PRKAR1B: variants seen among roughly 807,000 people sequenced by gnomAD.
PRKAR1B encodes the protein cAMP-dependent protein kinase type I-beta regulatory subunit.
In PRKAR1B, 22 loss-of-function variants were observed where a neutral mutation model predicts 46.5. The observed-to-expected ratio is 0.47, with a 90% CI of 0.34 to 0.68. The LOEUF (loss-of-function observed/expected upper bound fraction) is 0.68. Among genes scored for constraint, PRKAR1B ranks in the 30% least tolerant of loss-of-function variants. The pLI is 0.01. For missense variants in PRKAR1B, 445 were observed against 535.6 expected (o/e 0.83, Z 1.67); for synonymous variants, 259 against 217.7 (o/e 1.19, Z -1.67).
chr7:572,836 G>A (rs556872437), intron 9 of PRKAR1B, among the ~76,000 whole-genome samples: 2 of 152,364 alleles, frequency 1.3e-5, no homozygotes, highest in South Asian at 2.1e-4. Flanking sequence ...CACCAAGGCC[G>A]TGATTTACAA....
chr7:584,712 C>A, intron 7 of PRKAR1B, 144 bp from the exon 8 acceptor site: 2 of 700,216 alleles, frequency 2.9e-6, no homozygotes, highest in Admixed American at 4.4e-5. Flanking sequence ...CTCGACGACT[C>A]GGAGTCTGCG....
intron 4 of PRKAR1B, among the ~76,000 whole-genome samples, chr7:664,220 G>A (rs1785778059): frequency 6.6e-6 from 1 of 152,174 alleles, no homozygotes; most frequent in South Asian, 2.1e-4. Context: ...AGTGACCAGG[G>A]CTCAAGAATG....
chr7:631,962 A>AG (rs1312284962), intron 4 of PRKAR1B, among the ~76,000 whole-genome samples: 1 of 151,756 alleles, frequency 6.6e-6, no homozygotes, highest in African/African-American at 2.4e-5. Flanking sequence ...GTCTCAAAAA[A>AG]AAAAGCAGCG....
In PRKAR1B at chr7:571,837, C is replaced by T. The variant is rs535029775; in HGVS notation, c.891+7419G>A. On this transcript the variant is annotated intron_variant, in intron 9 of 10. Transcript: ENST00000537384. Reference sequence around the variant, plus strand: ...CCGAATGCCGCTCCACTTTCCCGTCCGCGGTGAGGTGACGGAACAGCTGGA... The same window carrying T: ...CCGAATGCCGCTCCACTTTCCCGTCTGCGGTGAGGTGACGGAACAGCTGGA... 4.1e-4 allele frequency among the ~76,000 whole-genome samples: 62 copies of T among 152,332 alleles called. 2 individuals are homozygous for T. Among genetic ancestry groups the T allele is most frequent in the African/African-American group, 1.4e-3 (57 of 41,580 alleles).
chr7:718,985 C>T (rs1780982047), intron 1 of PRKAR1B, among the ~76,000 whole-genome samples: 1 of 150,598 alleles, frequency 6.6e-6, no homozygotes, highest in East Asian at 2.0e-4. Flanking sequence ...GATCCTCCCA[C>T]CCCAGCCTCC....
At chr7:635,469 C>G (rs760840327) in intron 4 of PRKAR1B, among the ~76,000 whole-genome samples, 1 of 152,190 alleles carries the variant, frequency 6.6e-6, no homozygotes, top group Non-Finnish European at 1.5e-5. Flanking sequence ...CCCTGGGGCT[C>G]AGGGAGCGTC....
At chr7:569,789 G>C (rs942099948) in intron 9 of PRKAR1B, among the ~76,000 whole-genome samples, 3 of 152,150 alleles carry the variant, frequency 2.0e-5, no homozygotes, top group Non-Finnish European at 4.4e-5. Flanking sequence ...TCTAAGCACC[G>C]AGGAAGCTCT....
chr7:603,747 G>T (rs1346140429), intron 6 of PRKAR1B, among the ~76,000 whole-genome samples: 1 of 143,846 alleles, frequency 7.0e-6, no homozygotes, highest in South Asian at 2.2e-4. Flanking sequence ...TGGAGAGGGT[G>T]GGGGAGGAGG....
chr7:660,869 T>C (rs1258290736), intron 4 of PRKAR1B, among the ~76,000 whole-genome samples: 3 of 105,940 alleles, frequency 2.8e-5, no homozygotes, highest in Non-Finnish European at 3.7e-5. Flanking sequence ...CTGCCCCCCA[T>C]GGCACAGGTC....
At chr7:682,146 G>A (rs557767346) in intron 2 of PRKAR1B, among the ~76,000 whole-genome samples, 6 of 152,106 alleles carry the variant, frequency 3.9e-5, no homozygotes, top group South Asian at 2.1e-4. Context: ...CTCAGTCCTC[G>A]TCCTAAGGCC....
At chr7:648,374 G>A (rs976059142) in intron 4 of PRKAR1B, among the ~76,000 whole-genome samples, 1 of 152,144 alleles carries the variant, frequency 6.6e-6, no homozygotes, top group African/African-American at 2.4e-5. Flanking sequence ...CACTGTGGGA[G>A]GCTGAGGCAG....
intron 4 of PRKAR1B, among the ~76,000 whole-genome samples, chr7:658,121 G>C (rs1374506190): frequency 1.3e-5 from 2 of 152,096 alleles, no homozygotes; most frequent in Admixed American, 6.6e-5. Flanking sequence ...TGATTATGAA[G>C]ACAAGAAACT....
rs1041166542 is a variant in PRKAR1B, at chr7:560,484, C to T, written c.892-9014G>A. On this transcript the variant is annotated intron_variant, in intron 9 of 10. Coordinates refer to ENST00000537384, the MANE Select transcript of PRKAR1B (RefSeq NM_001164760.2). The surrounding 1 kb of genome is among the most constrained non-coding windows in gnomAD (Gnocchi z 4.2). Reference sequence around the variant, plus strand: ...AAAGTAACTAAAAGATTAAGCACAGCTGGAAAGGTGTTCAACACACGAGCT... The same window carrying T: ...AAAGTAACTAAAAGATTAAGCACAGTTGGAAAGGTGTTCAACACACGAGCT... 1.3e-5 allele frequency among the ~76,000 whole-genome samples: 2 copies of T among 152,146 alleles called. No individual in the cohort carries two copies. Among genetic ancestry groups the T allele is most frequent in the African/African-American group, 4.8e-5 (2 of 41,418 alleles).
chr7:602,927 C>T lies in PRKAR1B; in HGVS notation c.549+3266G>A, dbSNP rs1482264383. On this transcript the variant is annotated intron_variant, in intron 6 of 10. Transcript: ENST00000537384. The surrounding 1 kb of genome is among the most constrained non-coding windows in gnomAD (Gnocchi z 6.4). ...CTGGGTCCTCTGAGTCCCGAGTCCA[C>T]GCGATCCTGACCCGTCCACCACCCT... 2.6e-5 allele frequency among the ~76,000 whole-genome samples: 4 copies of T among 152,326 alleles called. No homozygotes were observed. Among genetic ancestry groups the T allele is most frequent in the South Asian group, 2.1e-4 (1 of 4,824 alleles).
In PRKAR1B at chr7:648,542, C is replaced by A. The variant is rs182280411; in HGVS notation, c.440+28687G>T. On this transcript the variant is annotated intron_variant, in intron 4 of 10. Transcript: ENST00000537384. ...GGGAGAATCACTTGAACCCAGGAGG[C>A]GGAGGTTGCAGTGAGCCGAGATCAC... Among the ~76,000 whole-genome samples, 806 of 152,132 alleles carry A rather than the reference C, an allele frequency of 5.3e-3. 9 individuals carry two copies. The highest frequency in any genetic ancestry group is 0.016 in the South Asian group (78 of 4,818).
intron 1 of PRKAR1B, among the ~76,000 whole-genome samples, chr7:720,310 G>A (rs181795699): frequency 4.5e-3 from 684 of 152,138 alleles, no homozygotes; most frequent in Non-Finnish European, 6.9e-3. Flanking sequence ...CGCCTGCCTC[G>A]GCCTCCCAAA....
intron 4 of PRKAR1B, among the ~76,000 whole-genome samples, chr7:628,338 G>A (rs895532334): frequency 6.6e-6 from 1 of 152,234 alleles, no homozygotes; most frequent in Non-Finnish European, 1.5e-5. Context: ...AGGCGAAGGC[G>A]GGCACGAGGC....
intron 8 of PRKAR1B, among the ~76,000 whole-genome samples, chr7:580,843 T>C (rs903234832): frequency 5.3e-5 from 8 of 152,158 alleles, no homozygotes; most frequent in African/African-American, 1.9e-4. Flanking sequence ...GCATTTATTT[T>C]ACATCTAGGT....
chr7:557,502 G>A (rs1377136101), intron 9 of PRKAR1B, among the ~76,000 whole-genome samples: 1 of 152,240 alleles, frequency 6.6e-6, no homozygotes, highest in Non-Finnish European at 1.5e-5. Flanking sequence ...GCGCACCCAT[G>A]GACATCTGTG....
Sources: gnomAD v4.1 joint callset for allele counts (sites outside exome capture counted in the v4.1 genomes callset) on GRCh38, gnomAD v4.1.1 for gene constraint, Gnocchi (gnomAD v3.1) non-coding constraint, MANE v1.5 for transcripts, NCBI Gene and HGNC (gene_info 2026-07-23, HGNC 2026-07-21) for gene names.